Variants in DGKB observed in about 807,000 individuals in gnomAD.
DGKB encodes the protein diacylglycerol kinase beta.
Under a neutral mutation model 114.3 loss-of-function variants are expected in DGKB, and 67 were observed. That is an observed-to-expected ratio of 0.59 (90% CI 0.48 to 0.72). DGKB has a LOEUF of 0.72. Ranked by LOEUF, DGKB falls within the 30% of genes least tolerant of loss-of-function variation. The probability of loss-of-function intolerance (pLI) is 0.00; values close to 1 mark genes in which losing one functional copy is unlikely to be tolerated. For missense variants in DGKB, 907 were observed against 975.2 expected (o/e 0.93, Z 0.93); for synonymous variants, 398 against 323.1 (o/e 1.23, Z -2.49).
chr7:14,369,634 C>T (rs1354379591), intron 21 of DGKB, among the ~76,000 whole-genome samples: 1 of 152,166 alleles, frequency 6.6e-6, no homozygotes, highest in Non-Finnish European at 1.5e-5. Flanking sequence ...GAGATGGTAT[C>T]CCATTGTGGT....
chr7:14,910,024 T>G (rs1562868654), intron 1 of DGKB, among the ~76,000 whole-genome samples: 4 of 151,854 alleles, frequency 2.6e-5, no homozygotes, highest in African/African-American at 9.7e-5. Context: ...CTGGCTAACA[T>G]GGTGAAACCT....
At chr7:14,259,068 T>G (rs901268027) in intron 23 of DGKB, among the ~76,000 whole-genome samples, 2 of 152,118 alleles carry the variant, frequency 1.3e-5, no homozygotes, top group African/African-American at 2.4e-5. Flanking sequence ...TTGTTGAACA[T>G]GGTTTAAAAA....
intron 21 of DGKB, among the ~76,000 whole-genome samples, chr7:14,472,527 C>T (rs1408507930): frequency 6.6e-6 from 1 of 152,060 alleles, no homozygotes; most frequent in Non-Finnish European, 1.5e-5. Context: ...CGGACTAATG[C>T]AATAAATTGG....
At chr7:14,565,668 T>A (rs890719822) in intron 20 of DGKB, among the ~76,000 whole-genome samples, 20 of 152,150 alleles carry the variant, frequency 1.3e-4, no homozygotes, top group African/African-American at 4.8e-4. Flanking sequence ...TTTATTTCCT[T>A]CCATCCCCTG....
At chr7:14,345,027 C>T (rs1293294567) in intron 22 of DGKB, among the ~76,000 whole-genome samples, 1 of 151,668 alleles carries the variant, frequency 6.6e-6, no homozygotes, top group Non-Finnish European at 1.5e-5. Flanking sequence ...TCTATCTGCA[C>T]TATGCCCAGT....
At chr7:14,616,322 G>T (rs1049446410) in intron 15 of DGKB, among the ~76,000 whole-genome samples, 8 of 150,870 alleles carry the variant, frequency 5.3e-5, no homozygotes, top group African/African-American at 1.7e-4. Context: ...TGGGACAACT[G>T]ATGAAACCTA....
chr7:14,710,576 T>C (rs905528032), intron 6 of DGKB, among the ~76,000 whole-genome samples: 1 of 152,108 alleles, frequency 6.6e-6, no homozygotes, highest in Non-Finnish European at 1.5e-5. Flanking sequence ...GTTCCCAATA[T>C]CAATGAGAGA....
intron 23 of DGKB, among the ~76,000 whole-genome samples, chr7:14,205,441 T>C (rs1185765662): frequency 1.3e-5 from 2 of 151,916 alleles, no homozygotes; most frequent in African/African-American, 4.8e-5. Flanking sequence ...TCATCTCTTC[T>C]GGGAGCAGAA....
chr7:14,188,609 T>G (rs1471723734), intron 23 of DGKB, among the ~76,000 whole-genome samples: 1 of 125,076 alleles, frequency 8.0e-6, no homozygotes, highest in Non-Finnish European at 1.6e-5. Context: ...GCAGTGAGCC[T>G]AGATCCCGCC....
At chr7:14,947,437 C>A (rs979351235) in intron 1 of DGKB, among the ~76,000 whole-genome samples, 1 of 151,378 alleles carries the variant, frequency 6.6e-6, no homozygotes, top group African/African-American at 2.4e-5. Context: ...TTCTTCAATC[C>A]TTAATTTTTT....
intron 4 of DGKB, among the ~76,000 whole-genome samples, chr7:14,751,514 GA>G (rs1834121928): frequency 6.6e-6 from 1 of 152,164 alleles, no homozygotes; most frequent in African/African-American, 2.4e-5. Context: ...GAACATCACT[GA>G]AACTATATTG....
At chr7:14,361,487 C>A (rs1056868426) in intron 21 of DGKB, among the ~76,000 whole-genome samples, 1 of 151,794 alleles carries the variant, frequency 6.6e-6, no homozygotes, top group African/African-American at 2.4e-5. Flanking sequence ...CAGATGACTC[C>A]CTGAAATATC....
intron 25 of DGKB, among the ~76,000 whole-genome samples, chr7:14,163,300 G>T (rs1395810389): frequency 6.6e-6 from 1 of 151,976 alleles, no homozygotes; most frequent in Non-Finnish European, 1.5e-5. Flanking sequence ...ATTGTTGCTT[G>T]AGGGCCAGAA....
At chr7:14,796,558 A>G (rs12534645) in intron 2 of DGKB, among the ~76,000 whole-genome samples, 4,528 of 152,244 alleles carry the variant, frequency 0.03, 114 homozygotes, top group Non-Finnish European at 0.038. Flanking sequence ...ACAAAAGCAT[A>G]ATCAAAGCAA....
At chr7:14,420,889 G>A (rs1393023583) in intron 21 of DGKB, among the ~76,000 whole-genome samples, 1 of 152,008 alleles carries the variant, frequency 6.6e-6, no homozygotes, top group African/African-American at 2.4e-5. Flanking sequence ...GGATCAAAAG[G>A]AAAACCCCAC....
chr7:14,823,143 A>G (rs963294352), intron 2 of DGKB, among the ~76,000 whole-genome samples: 2 of 151,840 alleles, frequency 1.3e-5, no homozygotes, highest in Admixed American at 1.3e-4. Context: ...AAAACTATTC[A>G]AAATTTGTAA....
Position 14,661,134 on chromosome 7 carries a change from AT to A in DGKB, c.1134+11794del, listed in dbSNP as rs1468681951. ...AAACCTAGGCTTTACCATTCGGGAC[AT>A]AGGCATGGGCAAGGACTTCGTGTCT... On this transcript the variant is annotated intron_variant, in intron 13 of 25. Coordinates refer to ENST00000402815, the MANE Select transcript of DGKB (RefSeq NM_001350709.2). Among the ~76,000 whole-genome samples, 3 of 152,100 alleles carry A rather than the reference AT, an allele frequency of 2.0e-5. No homozygotes were observed. The East Asian group carries it at 5.8e-4, about 29-fold the overall frequency.
At chr7:14,954,512 G>A (rs914354701) in intron 1 of DGKB, among the ~76,000 whole-genome samples, 14 of 151,930 alleles carry the variant, frequency 9.2e-5, no homozygotes, top group African/African-American at 2.7e-4. Flanking sequence ...AATTACTCCA[G>A]CCACTGAATT....
intron 1 of DGKB, among the ~76,000 whole-genome samples, chr7:14,895,178 T>A (rs1284053836): frequency 6.6e-6 from 1 of 151,696 alleles, no homozygotes; most frequent in African/African-American, 2.4e-5. Flanking sequence ...AGAATAATCC[T>A]ATAATATACA....
Sources: gnomAD v4.1 joint callset for allele counts (sites outside exome capture counted in the v4.1 genomes callset) on GRCh38, gnomAD v4.1.1 for gene constraint, MANE v1.5 for transcripts, NCBI Gene and HGNC (gene_info 2026-07-23, HGNC 2026-07-21) for gene names.